GALNT17: variants seen among roughly 807,000 people sequenced by gnomAD.
GALNT17 encodes the protein UDP-GalNAc:polypeptide N-acetylgalactosaminyltransferase-like 3.
A neutral mutation model predicts 63.7 loss-of-function variants in GALNT17; 29 were observed. The observed-to-expected ratio is 0.46, with a 90% CI of 0.34 to 0.62. The LOEUF (loss-of-function observed/expected upper bound fraction) is 0.62. GALNT17 is among the 20% of genes least tolerant of loss of function. The pLI is 0.01. For synonymous variants in GALNT17, 305 were observed against 318.3 expected (o/e 0.96, Z 0.45); for missense variants, 603 against 799.6 (o/e 0.75, Z 2.97).
chr7:71,698,776 A>C (rs1301384828), intron 9 of GALNT17, among the ~76,000 whole-genome samples: 3 of 152,170 alleles, frequency 2.0e-5, no homozygotes, highest in African/African-American at 7.2e-5. Flanking sequence ...CATTAATTAC[A>C]ATGAATATGA....
intron 5 of GALNT17, among the ~76,000 whole-genome samples, chr7:71,481,762 G>A (rs73367503): frequency 2.0e-5 from 3 of 151,956 alleles, no homozygotes; most frequent in Admixed American, 6.6e-5. Flanking sequence ...AAGGGCCCTG[G>A]CTTCTGCCTG....
intron 2 of GALNT17, among the ~76,000 whole-genome samples, chr7:71,377,093 A>AG (rs1792744714): frequency 1.5e-5 from 1 of 65,412 alleles, no homozygotes; most frequent in African/African-American, 9.8e-5. Flanking sequence ...CTCAAAAAAA[A>AG]AAAAAAATAA....
rs925037298 is a variant in GALNT17 at position 71,677,430 on chromosome 7, T to A, written c.1500+124T>A. ...TGGTAGTTATTTATTCTGAGAAAAA[T>A]TTTTAAGAAGAAGGTAGGAGTCTTT... On this transcript the variant is annotated intron_variant, in intron 9 of 10. Transcript: ENST00000333538. The A allele has an allele frequency of 3.9e-5, 36 of 929,710 alleles. No individual in the cohort carries two copies. The Admixed American group carries it at 5.7e-4, about 15-fold the overall frequency. The allele number at this position is 929,710 out of a possible 1,614,324, so 57.6% of individuals were successfully genotyped here.
At chr7:71,506,216 CAGG>C (rs1788265977) in intron 5 of GALNT17, among the ~76,000 whole-genome samples, 1 of 152,012 alleles carries the variant, frequency 6.6e-6, no homozygotes, top group African/African-American at 2.4e-5. Context: ...TAAAATCAAA[CAGG>C]AGGACACTAG....
intron 2 of GALNT17, among the ~76,000 whole-genome samples, chr7:71,377,058 C>T (rs1451126162): frequency 1.5e-5 from 2 of 134,860 alleles, no homozygotes; most frequent in Admixed American, 1.7e-4. Flanking sequence ...TGCACTCCAG[C>T]CCGGGCAACA....
intron 1 of GALNT17, among the ~76,000 whole-genome samples, chr7:71,308,123 C>T (rs1294452067): frequency 6.6e-6 from 1 of 152,004 alleles, no homozygotes; most frequent in Non-Finnish European, 1.5e-5. Flanking sequence ...GACAAAGTAG[C>T]AAATAGGAGC....
intron 6 of GALNT17, among the ~76,000 whole-genome samples, chr7:71,646,102 G>A (rs765770133): frequency 3.3e-5 from 5 of 152,110 alleles, no homozygotes; most frequent in African/African-American, 4.8e-5. Flanking sequence ...TTGCCTCCAA[G>A]TTCCTAGGCT....
intron 6 of GALNT17, among the ~76,000 whole-genome samples, chr7:71,612,058 CT>C (rs1790133715): frequency 6.6e-6 from 1 of 152,124 alleles, no homozygotes. Context: ...TGTCTTTGTT[CT>C]TTTTGTTCTT....
intron 1 of GALNT17, among the ~76,000 whole-genome samples, chr7:71,240,810 G>A (rs6977714): frequency 0.46 from 69,120 of 151,480 alleles, 16,432 homozygotes; most frequent in East Asian, 0.81. Context: ...GACTACAGGC[G>A]CCCGCCACCT....
chr7:71,613,820 T>C (rs1372132982), intron 6 of GALNT17, among the ~76,000 whole-genome samples: 1 of 148,662 alleles, frequency 6.7e-6, no homozygotes, highest in Non-Finnish European at 1.5e-5. Flanking sequence ...TTTAGTTAGC[T>C]GGACATGGTG....
intron 1 of GALNT17, among the ~76,000 whole-genome samples, chr7:71,324,859 A>G (rs952411586): frequency 6.6e-6 from 1 of 152,174 alleles, no homozygotes; most frequent in Admixed American, 6.5e-5. Context: ...AGTGCTTATT[A>G]TAGTGCTTTG....
intron 5 of GALNT17, among the ~76,000 whole-genome samples, chr7:71,502,664 T>C (rs2116704503): frequency 6.6e-6 from 1 of 152,292 alleles, no homozygotes; most frequent in Non-Finnish European, 1.5e-5. Flanking sequence ...ACTGTTTCAA[T>C]CTTCCCAGTG....
At chr7:71,502,264 T>A (rs1788192181) in intron 5 of GALNT17, among the ~76,000 whole-genome samples, 2 of 152,188 alleles carry the variant, frequency 1.3e-5, no homozygotes, top group South Asian at 4.1e-4. Context: ...GTTAATCACA[T>A]TAGTATATCC....
chr7:71,228,399 T>C (rs866088942), intron 1 of GALNT17, among the ~76,000 whole-genome samples: 5 of 152,312 alleles, frequency 3.3e-5, no homozygotes, highest in Middle Eastern at 6.8e-3. Flanking sequence ...TAGAAGCCAT[T>C]GCCCTTGAAT....
chr7:71,147,598 C>G (rs1001179511), intron 1 of GALNT17, among the ~76,000 whole-genome samples: 11 of 152,134 alleles, frequency 7.2e-5, no homozygotes, highest in African/African-American at 2.7e-4. Flanking sequence ...CACATTCATC[C>G]TATTAAAATC....
rs1481835737 is a variant in GALNT17, at chr7:71,537,951, G to A, written c.963-33334G>A. Among the ~76,000 whole-genome samples the A allele has an allele frequency of 2.0e-5, 3 of 152,148 alleles. No individual in the cohort carries two copies. The East Asian group carries it at 5.8e-4, about 29-fold the overall frequency. ...TTCCTGTGGCCACCAGAGACTACAA[G>A]AGCCAAGAGCAGATTATTCCCTGGA... On this transcript the variant is annotated intron_variant, in intron 5 of 10. Transcript: ENST00000333538.
intron 1 of GALNT17, among the ~76,000 whole-genome samples, chr7:71,323,993 G>A (rs57060537): frequency 0.035 from 5,266 of 152,216 alleles, 155 homozygotes; most frequent in East Asian, 0.1. Context: ...GGATTTCCGG[G>A]GCTCTGTTGA....
At chr7:71,284,883 CTT>C (rs533114666) in intron 1 of GALNT17, among the ~76,000 whole-genome samples, 1 of 144,718 alleles carries the variant, frequency 6.9e-6, no homozygotes, top group Non-Finnish European at 1.5e-5. Flanking sequence ...AAGTTCTGAG[CTT>C]TTTTTTTTTT....
intron 5 of GALNT17, among the ~76,000 whole-genome samples, chr7:71,477,838 C>A (rs1787750171): frequency 6.6e-6 from 1 of 152,172 alleles, no homozygotes; most frequent in Non-Finnish European, 1.5e-5. Flanking sequence ...CTATTCAGAC[C>A]TTGTTAGAAA....
Sources: allele counts gnomAD v4.1 joint callset (sites outside exome capture counted in the v4.1 genomes callset), GRCh38; gene constraint gnomAD v4.1.1; transcripts MANE v1.5; gene names NCBI Gene and HGNC (gene_info 2026-07-23, HGNC 2026-07-21).